Variants in SUZ12 observed in about 807,000 individuals in gnomAD.
SUZ12 encodes the protein polycomb protein SUZ12.
Under a neutral mutation model 87.3 loss-of-function variants are expected in SUZ12, and 17 were observed. The ratio of observed to expected loss-of-function variants is 0.19; its 90% CI spans 0.13 to 0.29. The LOEUF (loss-of-function observed/expected upper bound fraction) is 0.29, where lower values mean the gene tolerates loss of function less well. Among genes scored for constraint, SUZ12 ranks in the 10% least tolerant of loss-of-function variants. The pLI, the probability that SUZ12 is intolerant of heterozygous loss-of-function variation, is 1.00. For missense variants in SUZ12, 526 were observed against 912.2 expected (o/e 0.58, Z 5.45); for synonymous variants, 253 against 312.4 (o/e 0.81, Z 2.01).
intron 4 of SUZ12, among the ~76,000 whole-genome samples, chr17:31,961,732 A>C (rs1907728900): frequency 6.6e-6 from 1 of 152,160 alleles, no homozygotes; most frequent in South Asian, 2.1e-4. Flanking sequence ...TAATGACCTC[A>C]GTTTGTAGAC....
rs1908697398 is a variant in SUZ12 at position 31,975,657 on chromosome 17, G to A, written c.767G>A (p.Arg256His). Residue 256 changes from arginine to histidine, a missense_variant, in exon 7 of 16, where the codon CGT becomes CAT. Physicochemically the swap from Arg to His is conservative, Grantham distance 29. Coordinates refer to ENST00000322652, the MANE Select transcript of SUZ12 (RefSeq NM_015355.4). ...KSYSLLFRVT[R>H]PGRREFNGMI... is the part of the protein sequence containing the mutation. ...TACTCGTTGCTATTTAGAGTGACTC[G>A]TCCAGGAAGAAGAGAGTTTAATGGA... 5 of 1,613,816 alleles carry A rather than the reference G, an allele frequency of 3.1e-6. No individual in the cohort carries two copies. Among genetic ancestry groups the A allele is most frequent in the South Asian group, 1.1e-5 (1 of 91,060 alleles).
intron 10 of SUZ12, among the ~76,000 whole-genome samples, chr17:31,990,922 A>G (rs1311480327): frequency 6.6e-6 from 1 of 151,114 alleles, no homozygotes; most frequent in Non-Finnish European, 1.5e-5. Context: ...TAATTTTTGT[A>G]TTTTTCGGTA....
chr17:31,978,719 T>C lies in SUZ12; in HGVS notation c.917+2105T>C, dbSNP rs577950277. ...TTTTAATCACTGTACCTGACACATA[T>C]GTTTACACATTTCTTGTAAGAAAAA... On this transcript the variant is annotated intron_variant, in intron 8 of 15. Coordinates refer to ENST00000322652, the MANE Select transcript of SUZ12 (RefSeq NM_015355.4). Among the ~76,000 whole-genome samples, 47 of 152,316 alleles carry C rather than the reference T, an allele frequency of 3.1e-4. No homozygotes were observed. The East Asian group carries it at 8.5e-3, about 27-fold the overall frequency.
chr17:31,967,904 C>T (rs1307324820), intron 5 of SUZ12, among the ~76,000 whole-genome samples: 1 of 152,030 alleles, frequency 6.6e-6, no homozygotes, highest in African/African-American at 2.4e-5. Flanking sequence ...TGGTGGCTCA[C>T]AGCTATAACG....
chr17:31,969,248 A>G (rs1046282775), intron 5 of SUZ12, among the ~76,000 whole-genome samples: 1 of 152,008 alleles, frequency 6.6e-6, no homozygotes, highest in Admixed American at 6.6e-5. Context: ...GGGTTCAAGC[A>G]ATTCTGTTGC....
intron 10 of SUZ12, among the ~76,000 whole-genome samples, chr17:31,989,471 G>A (rs1909590831): frequency 6.6e-6 from 1 of 152,160 alleles, no homozygotes. Context: ...GTAAGTTAGA[G>A]CAAGTTTTTC....
At chr17:31,943,251 G>A (rs1906412956) in intron 3 of SUZ12, among the ~76,000 whole-genome samples, 1 of 152,184 alleles carries the variant, frequency 6.6e-6, no homozygotes. Context: ...CATTCAGCAT[G>A]CTTTTTCTGT....
At chr17:31,958,051 T>C (rs1388561418) in intron 4 of SUZ12, among the ~76,000 whole-genome samples, 3 of 151,800 alleles carry the variant, frequency 2.0e-5, no homozygotes, top group Non-Finnish European at 2.9e-5. Flanking sequence ...TACAGGCGCC[T>C]GCCATCACGC....
At chr17:31,945,890 C>T (rs1239272845) in intron 3 of SUZ12, among the ~76,000 whole-genome samples, 6 of 152,142 alleles carry the variant, frequency 3.9e-5, no homozygotes, top group Non-Finnish European at 7.3e-5. Flanking sequence ...CATGGCCCTC[C>T]TCAATAGTAA....
chr17:31,969,448 A>G (rs1681717), intron 5 of SUZ12, among the ~76,000 whole-genome samples: 27,622 of 150,550 alleles, frequency 0.18, 3,095 homozygotes, highest in African/African-American at 0.31. Flanking sequence ...CACCGAGCCC[A>G]GCCCCTAATT....
chr17:31,976,212 A>G (rs1420366620), intron 7 of SUZ12, among the ~76,000 whole-genome samples: 1 of 152,228 alleles, frequency 6.6e-6, no homozygotes, highest in Non-Finnish European at 1.5e-5. Context: ...GGAAAAAATA[A>G]TCTTTGACTC....
intron 8 of SUZ12, among the ~76,000 whole-genome samples, chr17:31,982,467 C>T (rs1909170365): frequency 6.6e-6 from 1 of 152,112 alleles, no homozygotes; most frequent in Non-Finnish European, 1.5e-5. Context: ...TAAGACCAGC[C>T]TGGCCAAGAT....
At chr17:31,990,021 C>T (rs112453171) in intron 10 of SUZ12, among the ~76,000 whole-genome samples, 32 of 151,150 alleles carry the variant, frequency 2.1e-4, no homozygotes, top group African/African-American at 7.8e-4. Context: ...GTGGTGCGAT[C>T]TCAGCTCACT....
chr17:31,960,698 C>T (rs536575090), intron 4 of SUZ12, among the ~76,000 whole-genome samples: 1 of 152,276 alleles, frequency 6.6e-6, no homozygotes, highest in African/African-American at 2.4e-5. Context: ...CTGCTTCAGC[C>T]TCCCGAGTAA....
chr17:31,996,958 G>A, intron 15 of SUZ12, 81 bp downstream of exon 15: 3 of 849,628 alleles, frequency 3.5e-6, no homozygotes, highest in Non-Finnish European at 5.0e-6. Flanking sequence ...AATCTTACGT[G>A]TGTTAGAATC....
intron 14 of SUZ12, among the ~76,000 whole-genome samples, chr17:31,996,395 A>G (rs510264): frequency 0.099 from 15,092 of 152,162 alleles, 1,026 homozygotes; most frequent in Middle Eastern, 0.15. Flanking sequence ...TGGGCTGATC[A>G]CCTGAGGTCA....
At position 32,000,741 on chromosome 17, in the gene SUZ12, G is replaced by T. The variant is rs1910216507; in HGVS notation, c.*1738G>T. The T allele has an allele frequency of 4.4e-6, 1 of 229,724 alleles. No individual in the cohort carries two copies. Among genetic ancestry groups the T allele is most frequent in the African/African-American group, 2.2e-5 (1 of 45,116 alleles). 14.2% of individuals were successfully genotyped at this position (229,724 alleles called of 1,614,324 possible). A position where few individuals can be genotyped will look rare whatever the true frequency, so the allele number is the denominator to read the frequency against. ...TAATGCTTAAAAGAAGGCTAGCATTGTTTGCACAAAAAGTTGGTGATTCCC... is the reference window on the plus strand; with the variant it reads ...TAATGCTTAAAAGAAGGCTAGCATTTTTTGCACAAAAAGTTGGTGATTCCC... On this transcript the variant is annotated 3_prime_UTR_variant, in exon 16 of 16. Coordinates refer to ENST00000322652, the MANE Select transcript of SUZ12 (RefSeq NM_015355.4).
At chr17:31,948,445 A>G (rs902094066) in intron 4 of SUZ12, among the ~76,000 whole-genome samples, 5 of 152,192 alleles carry the variant, frequency 3.3e-5, no homozygotes, top group Non-Finnish European at 7.4e-5. Flanking sequence ...AAAATATTAG[A>G]TTCTTGAAAA....
At chr17:31,962,586 G>A (rs1319744864) in intron 4 of SUZ12, among the ~76,000 whole-genome samples, 1 of 152,190 alleles carries the variant, frequency 6.6e-6, no homozygotes, top group Non-Finnish European at 1.5e-5. Flanking sequence ...ACGAGACCCT[G>A]TCTGAAAGCA....
Sources: allele counts gnomAD v4.1 joint callset (sites outside exome capture counted in the v4.1 genomes callset), GRCh38; gene constraint gnomAD v4.1.1; transcripts MANE v1.5; gene names NCBI Gene and HGNC (gene_info 2026-07-23, HGNC 2026-07-21).